Variants in EIF4E observed in about 807,000 individuals in gnomAD.
The protein encoded by EIF4E is eIF-4F 25 kDa subunit.
For synonymous variants in EIF4E, 71 were observed against 88.5 expected (o/e 0.80, Z 1.11); for missense variants, 113 against 265.6 (o/e 0.43, Z 3.99).
chr4:98,928,028 CATAG>C (rs1579193128), intron 1 of EIF4E, among the ~76,000 whole-genome samples: 1 of 151,944 alleles, frequency 6.6e-6, no homozygotes. Context: ...AAGTCTGTAG[CATAG>C]ATAAAGAGAA....
chr4:98,923,974 T>TA (rs1725763447), intron 1 of EIF4E, among the ~76,000 whole-genome samples: 1 of 152,182 alleles, frequency 6.6e-6, no homozygotes, highest in Non-Finnish European at 1.5e-5. Flanking sequence ...ACTCAGATAT[T>TA]AAGATGAGAC....
At chr4:98,929,039 A>T in intron 1 of EIF4E, 56 bp downstream of exon 1, 4 of 1,571,792 alleles carry the variant, frequency 2.5e-6, no homozygotes, top group Non-Finnish European at 3.5e-6. Flanking sequence ...TCCCCCAGTC[A>T]GAAGGAAGAC....
intron 2 of EIF4E, among the ~76,000 whole-genome samples, chr4:98,891,905 T>C (rs1358754028): frequency 6.6e-6 from 1 of 152,216 alleles, no homozygotes; most frequent in African/African-American, 2.4e-5. Context: ...GTATGTTATG[T>C]CTACTACATA....
chr4:98,891,641 A>G (rs1724146261), intron 2 of EIF4E: 1 of 311,136 alleles, frequency 3.2e-6, no homozygotes, highest in Non-Finnish European at 5.9e-6. Flanking sequence ...AAGAATGGTG[A>G]TTGCCACTAG....
chr4:98,891,968 A>G (rs1218160413), intron 2 of EIF4E, among the ~76,000 whole-genome samples: 1 of 152,210 alleles, frequency 6.6e-6, no homozygotes, highest in Admixed American at 6.5e-5. Context: ...CTCATCACTC[A>G]ACGGAATTCA....
chr4:98,888,014 C>CAT, intron 3 of EIF4E, 62 bp from the exon 4 acceptor site: 2 of 1,289,402 alleles, frequency 1.6e-6, no homozygotes, highest in South Asian at 1.3e-5. Flanking sequence ...TAGGTGCTTA[C>CAT]ATATATATAC....
intron 1 of EIF4E, among the ~76,000 whole-genome samples, chr4:98,912,981 C>A (rs769388353): frequency 1.3e-5 from 2 of 151,876 alleles, no homozygotes; most frequent in Admixed American, 1.3e-4. Flanking sequence ...CCGAGGCAGG[C>A]GGATCACCTG....
intron 2 of EIF4E, among the ~76,000 whole-genome samples, chr4:98,901,436 T>G (rs11722494): frequency 0.19 from 29,010 of 151,744 alleles, 3,679 homozygotes; most frequent in Non-Finnish European, 0.28. Flanking sequence ...TGACCTCAGG[T>G]GATCCGCCCG....
At position 98,928,970 on chromosome 4, in the gene EIF4E, C is replaced by T. The variant is rs1304313480; in HGVS notation, c.18+125G>A. 4.4e-6 allele frequency: 7 copies of T among 1,577,518 alleles called. No homozygotes were observed. The Admixed American group carries it at 1.3e-4, about 29-fold the overall frequency. On this transcript the variant is annotated intron_variant, in intron 1 of 6. Transcript: ENST00000450253. The stretch of plus-strand genomic sequence containing the variant: ...CTTGTCCGCGGGAGGTCAGGTCCAA[C>T]ATGAAGGGGAAGGGGCGGCAAGGGG...
rs577682008 is a variant in EIF4E at position 98,882,718 on chromosome 4, T to A, written c.540-1576A>T. ...CATTGAGTCATGCAAATTGGAAGGT[T>A]AAAAAAGAAAATCTTCGTTTGAAAA... On this transcript the variant is annotated intron_variant, in intron 6 of 6. Coordinates refer to ENST00000450253, the MANE Select transcript of EIF4E (RefSeq NM_001968.5). Among the ~76,000 whole-genome samples the A allele has an allele frequency of 1.7e-3, 261 of 151,832 alleles. 1 individual carries two copies. Among genetic ancestry groups the A allele is most frequent in the African/African-American group, 5.9e-3 (244 of 41,496 alleles).
intron 2 of EIF4E, chr4:98,895,621 C>G (rs892588601): frequency 2.0e-5 from 3 of 152,112 alleles, no homozygotes; most frequent in Non-Finnish European, 4.4e-5. Context: ...CAGCAACTGC[C>G]ACCCCATTAT....
intron 2 of EIF4E, among the ~76,000 whole-genome samples, chr4:98,899,441 G>C (rs1724556016): frequency 1.3e-5 from 2 of 152,096 alleles, no homozygotes; most frequent in Non-Finnish European, 2.9e-5. Context: ...GAGTTAGCAA[G>C]GATATAGAAA....
At position 98,883,242 on chromosome 4, in the gene EIF4E, A is replaced by C. The variant is rs576855619; in HGVS notation, c.539+1680T>G. ...AGCTGACATCGCGCTACTGCACCCC[A>C]GCCTGGGCAACAGAGTGTGACTCTG... On this transcript the variant is annotated intron_variant, in intron 6 of 6. Coordinates refer to ENST00000450253, the MANE Select transcript of EIF4E (RefSeq NM_001968.5). Among the ~76,000 whole-genome samples the C allele has an allele frequency of 6.1e-4, 93 of 152,292 alleles. 1 individual carries two copies. Among genetic ancestry groups the C allele is most frequent in the South Asian group, 4.8e-3 (23 of 4,824 alleles).
intron 1 of EIF4E, among the ~76,000 whole-genome samples, chr4:98,902,554 T>C (rs17550514): frequency 6.6e-6 from 1 of 152,094 alleles, no homozygotes; most frequent in African/African-American, 2.4e-5. Context: ...CTTTTTTTTT[T>C]AAATAGCAGG....
intron 6 of EIF4E, among the ~76,000 whole-genome samples, chr4:98,883,625 A>C (rs1477652343): frequency 1.3e-5 from 2 of 151,648 alleles, no homozygotes; most frequent in East Asian, 3.9e-4. Flanking sequence ...GGATGGTCTC[A>C]ATCTCCTGAC....
rs191753594 is a variant in EIF4E, at chr4:98,908,305, C to T, written c.19-6323G>A. On this transcript the variant is annotated intron_variant, in intron 1 of 6. Transcript: ENST00000450253. The stretch of plus-strand genomic sequence containing the variant: ...AAATAATTCTGATACCAACACTCTC[C>T]CCCTTCCTGATGACACAAAAATATA... Among the ~76,000 whole-genome samples the T allele has an allele frequency of 1.3e-3, 203 of 152,254 alleles. No individual in the cohort carries two copies. In the Middle Eastern group the frequency reaches 0.014, roughly 10 times the overall value.
intron 2 of EIF4E, among the ~76,000 whole-genome samples, chr4:98,897,473 A>G (rs1407590676): frequency 6.6e-6 from 1 of 152,092 alleles, no homozygotes; most frequent in Non-Finnish European, 1.5e-5. Context: ...TGGGAGGCAG[A>G]CGCATGAGAA....
intron 1 of EIF4E, among the ~76,000 whole-genome samples, chr4:98,908,107 T>G (rs1358306619): frequency 1.3e-5 from 2 of 152,178 alleles, no homozygotes; most frequent in East Asian, 3.8e-4. Flanking sequence ...TAGGGTATGC[T>G]CTCTAAATTA....
intron 6 of EIF4E, among the ~76,000 whole-genome samples, chr4:98,884,698 ACT>A (rs1282605590): frequency 6.6e-6 from 1 of 152,044 alleles, no homozygotes; most frequent in African/African-American, 2.4e-5. Flanking sequence ...ACAGAGTGAG[ACT>A]CTATCTCTAA....
Sources: gnomAD v4.1 joint callset for allele counts (sites outside exome capture counted in the v4.1 genomes callset) on GRCh38, gnomAD v4.1.1 for gene constraint, MANE v1.5 for transcripts, NCBI Gene and HGNC (gene_info 2026-07-23, HGNC 2026-07-21) for gene names.